The following BABAM2 variants were observed in gnomAD, a reference collection of about 807,000 sequenced individuals.
BABAM2 encodes BRISC and BRCA1-A complex member 2.
Under a neutral mutation model 54.7 loss-of-function variants are expected in BABAM2, and 31 were observed. The observed-to-expected ratio is 0.57, with a 90% CI of 0.43 to 0.77. The LOEUF (loss-of-function observed/expected upper bound fraction) is 0.77, where lower values mean the gene tolerates loss of function less well. BABAM2 is among the 30% of genes least tolerant of loss of function. The probability of loss-of-function intolerance (pLI) is 0.00; values close to 1 mark genes in which losing one functional copy is unlikely to be tolerated. For missense variants in BABAM2, 364 were observed against 455.8 expected, an observed-to-expected ratio of 0.80 and a Z score of 1.83; for synonymous variants, 167 against 162.9, an observed-to-expected ratio of 1.03 and a Z score of -0.19.
rs536704140 is a variant in BABAM2, at chr2:28,216,863, C to G, written c.681-20339C>G. On this transcript the variant is annotated intron_variant, in intron 7 of 11. Coordinates refer to ENST00000379624, the MANE Select transcript of BABAM2 (RefSeq NM_199191.3). ...CTTCTCCCACCTCCCCGATACCCAC[C>G]ACTTTGGCCACACTGGCCCCTTTCT... 4.6e-5 allele frequency among the ~76,000 whole-genome samples: 7 copies of G among 152,304 alleles called. No homozygotes were observed. The East Asian group carries it at 1.4e-3, about 29-fold the overall frequency.
At chr2:28,182,605 G>C (rs534849007) in intron 7 of BABAM2, among the ~76,000 whole-genome samples, 2 of 152,332 alleles carry the variant, frequency 1.3e-5, no homozygotes, top group East Asian at 3.9e-4. Context: ...TAGAGTGTCT[G>C]TATGTCATTC....
At position 28,322,797 on chromosome 2, in the gene BABAM2, T is replaced by C. The variant is rs2148313331; in HGVS notation, c.1089-15653T>C. Among the ~76,000 whole-genome samples the C allele has an allele frequency of 6.6e-6, 1 of 152,352 alleles. No homozygotes were observed. Among genetic ancestry groups the C allele is most frequent in the African/African-American group, 2.4e-5 (1 of 41,586 alleles). On this transcript the variant is annotated intron_variant, in intron 11 of 11. Coordinates refer to ENST00000379624, the MANE Select transcript of BABAM2 (RefSeq NM_199191.3). This position sits in a 1 kb window ranked among gnomAD's most constrained non-coding sequence, Gnocchi z 4.1. ...CAGAGTAAAGGGGCTCCTGCTTAGC[T>C]GACTGCCAGACTTGCAAAGGGGAAT...
At chr2:28,310,182 C>T in intron 11 of BABAM2, 2 of 1,603,156 alleles carry the variant, frequency 1.2e-6, no homozygotes, top group Non-Finnish European at 1.7e-6. Flanking sequence ...TTTATTAGAA[C>T]CTGACATCTG....
intron 5 of BABAM2, 48 bp downstream of exon 5, chr2:28,025,468 A>C (rs1675585058): frequency 6.8e-7 from 1 of 1,477,376 alleles, no homozygotes; most frequent in Non-Finnish European, 9.0e-7. Flanking sequence ...TCCATAATAA[A>C]ATAATCAATT....
chr2:28,164,123 GT>G (rs1673389231), intron 7 of BABAM2, among the ~76,000 whole-genome samples: 1 of 152,236 alleles, frequency 6.6e-6, no homozygotes, highest in Non-Finnish European at 1.5e-5. Context: ...TGGAAAGACA[GT>G]GCTAATCCCC....
chr2:28,121,305 A>G (rs1285617859), intron 6 of BABAM2, among the ~76,000 whole-genome samples: 3 of 152,072 alleles, frequency 2.0e-5, no homozygotes, highest in Non-Finnish European at 2.9e-5. Flanking sequence ...GCTCTTGTAC[A>G]TTTCCCAGTA....
chr2:28,049,597 A>G (rs1315604425), intron 6 of BABAM2, among the ~76,000 whole-genome samples: 2 of 152,206 alleles, frequency 1.3e-5, no homozygotes, highest in African/African-American at 4.8e-5. Context: ...CTACAGCGAA[A>G]TTAATTGAGT....
intron 5 of BABAM2, among the ~76,000 whole-genome samples, chr2:28,026,247 A>T (rs1388371686): frequency 3.3e-5 from 5 of 152,202 alleles, no homozygotes; most frequent in Admixed American, 2.0e-4. Flanking sequence ...TACCCAAAGG[A>T]TTATAAATCA....
intron 2 of BABAM2, among the ~76,000 whole-genome samples, chr2:27,909,883 C>G (rs1230824770): frequency 6.6e-6 from 1 of 152,158 alleles, no homozygotes; most frequent in East Asian, 1.9e-4. Flanking sequence ...TCTATATTGG[C>G]AGGAAGGACA....
rs535665918 is a variant in BABAM2 at position 28,277,942 on chromosome 2, A to G, written c.935-20396A>G. On this transcript the variant is annotated intron_variant, in intron 10 of 11. Coordinates refer to ENST00000379624, the MANE Select transcript of BABAM2 (RefSeq NM_199191.3). ...AGAAACCCCCTCAGAAGGGTTTTAC[A>G]CATATGTCCTAGAGCTCAGTCTTGG... Among the ~76,000 whole-genome samples the G allele has an allele frequency of 3.3e-5, 5 of 152,370 alleles. No individual in the cohort carries two copies. The South Asian group carries it at 1.0e-3, about 32-fold the overall frequency.
At chr2:27,894,798 C>A in intron 2 of BABAM2, 114 bp downstream of exon 2, 2 of 1,167,600 alleles carry the variant, frequency 1.7e-6, no homozygotes, top group South Asian at 1.5e-5. Flanking sequence ...CCCACCAAGT[C>A]ATCATCTCAT....
intron 11 of BABAM2, among the ~76,000 whole-genome samples, chr2:28,316,083 A>C (rs1689528631): frequency 6.6e-6 from 1 of 152,190 alleles, no homozygotes; most frequent in Non-Finnish European, 1.5e-5. Context: ...TTAAATTTCA[A>C]ATAAACAACA....
intron 7 of BABAM2, among the ~76,000 whole-genome samples, chr2:28,139,168 C>G (rs1670808335): frequency 6.6e-6 from 1 of 151,706 alleles, no homozygotes; most frequent in South Asian, 2.1e-4. Context: ...TGGCTCACGT[C>G]TATAATCCCA....
intron 7 of BABAM2, among the ~76,000 whole-genome samples, chr2:28,221,543 T>C (rs1461285582): frequency 2.6e-5 from 4 of 152,184 alleles, no homozygotes; most frequent in Admixed American, 2.0e-4. Flanking sequence ...ATCCAATATA[T>C]CATGGCCATT....
intron 3 of BABAM2, among the ~76,000 whole-genome samples, chr2:27,978,390 C>A (rs986704733): frequency 2.0e-5 from 3 of 152,138 alleles, no homozygotes; most frequent in African/African-American, 7.2e-5. Context: ...CCAATTAAAC[C>A]TCTTTTTATA....
At chr2:28,256,978 A>C (rs925362408) in intron 10 of BABAM2, among the ~76,000 whole-genome samples, 2 of 152,120 alleles carry the variant, frequency 1.3e-5, no homozygotes, top group Non-Finnish European at 2.9e-5. Context: ...TACAGGCATG[A>C]GACACCACGC....
At chr2:27,931,662 TA>T (rs1558596931) in intron 3 of BABAM2, among the ~76,000 whole-genome samples, 1 of 152,176 alleles carries the variant, frequency 6.6e-6, no homozygotes, top group Non-Finnish European at 1.5e-5. Context: ...AGTTAATGAA[TA>T]ACCCCTAAGA....
At chr2:28,142,544 C>T (rs529084370) in intron 7 of BABAM2, among the ~76,000 whole-genome samples, 5 of 152,094 alleles carry the variant, frequency 3.3e-5, no homozygotes, top group African/African-American at 4.8e-5. Context: ...TTTAATCCCT[C>T]CTCTCCCTAC....
chr2:28,213,652 T>C (rs553764235), intron 7 of BABAM2, among the ~76,000 whole-genome samples: 1 of 152,226 alleles, frequency 6.6e-6, no homozygotes, highest in East Asian at 1.9e-4. Context: ...AAAATTGAAC[T>C]TAAGATGTAT....
Sources: allele counts gnomAD v4.1 joint callset (sites outside exome capture counted in the v4.1 genomes callset), GRCh38; gene constraint gnomAD v4.1.1; non-coding constraint Gnocchi (gnomAD v3.1); transcripts MANE v1.5; gene names NCBI Gene and HGNC (gene_info 2026-07-23, HGNC 2026-07-21).